HDGFL2: variants seen among roughly 807,000 people sequenced by gnomAD.
HDGFL2 encodes the protein HDGF like 2, also known as hepatoma-derived growth factor-related protein 2.
HDGFL2 carries 36 observed loss-of-function variants against 77.1 expected under a neutral mutation model. The ratio of observed to expected loss-of-function variants is 0.47; its 90% confidence interval spans 0.36 to 0.62. The LOEUF (loss-of-function observed/expected upper bound fraction) is 0.62, where lower values mean the gene tolerates loss of function less well. HDGFL2 is among the 20% of genes least tolerant of loss of function. HDGFL2 has a pLI of 0.00. For synonymous variants in HDGFL2, 463 were observed against 413.1 expected (o/e 1.12, Z -1.46); for missense variants, 976 against 973.4 (o/e 1.00, Z -0.04).
rs1975703749 is a variant in HDGFL2 at position 4,496,395 on chromosome 19, C to G, written c.1318C>G (p.Gln440Glu). The change falls in exon 10 of 16, where the codon CAA becomes GAA. Residue 440 changes from glutamine (Q) to glutamate (E), a missense_variant. Gln to Glu is a conservative substitution (Grantham distance 29, BLOSUM62 2). Around this residue, in one of 5 missense-constraint regions of HDGFL2, gnomAD observed 567 missense variants for 534.7 expected, o/e 1.06. Transcript: ENST00000616600. ...KEKRVRPEEK[Q>E]QAKPVKVERT... ...GAAGAGAGTGCGGCCCGAGGAGAAGCAACAAGCCAAGTGAGCCCTGCTCTG... is the reference window on the plus strand; with the variant it reads ...GAAGAGAGTGCGGCCCGAGGAGAAGGAACAAGCCAAGTGAGCCCTGCTCTG... 1 of 1,613,536 alleles carries G rather than the reference C, an allele frequency of 6.2e-7. No individual in the cohort carries two copies. The highest frequency in any genetic ancestry group is 8.5e-7 in the Non-Finnish European group (1 of 1,179,696).
chr19:4,479,426 A>C (rs1249905777), intron 3 of HDGFL2, among the ~76,000 whole-genome samples: 1 of 151,732 alleles, frequency 6.6e-6, no homozygotes, highest in East Asian at 1.9e-4. Flanking sequence ...TACTAAAAAA[A>C]AAATACAGAA....
chr19:4,488,088 G>A (rs748989771), intron 3 of HDGFL2, among the ~76,000 whole-genome samples: 10 of 151,794 alleles, frequency 6.6e-5, no homozygotes, highest in Non-Finnish European at 1.3e-4. Flanking sequence ...CTCCTGCCTC[G>A]GCCTCCTGAG....
In HDGFL2 at chr19:4,494,170, A is replaced by T. The variant is rs541194421; in HGVS notation, c.919A>T (p.Ser307Cys). ...AACCGCCCCCTCCGCCTCCAGTGAC[A>T]GCGACGAGGTGGACCGCATCAGTGA... ...PPSSSSSDSDSDEVDRISEWK... is the reference protein window; with the variant it reads ...PPSSSSSDSDCDEVDRISEWK... The change falls in exon 9 of 16, where the codon AGC (serine) becomes TGC (cysteine). Residue 307 changes from serine (S) to cysteine (C), a missense_variant. This residue lies in a region of HDGFL2 where 567 missense variants were observed against 534.7 expected (regional missense o/e 1.06). Transcript: ENST00000616600. The T allele has an allele frequency of 2.7e-6, 4 of 1,493,144 alleles. No homozygotes were observed. Among genetic ancestry groups the T allele is most frequent in the Non-Finnish European group, 3.6e-6 (4 of 1,123,824 alleles). The allele number at this position is 1,493,144 out of a possible 1,614,324, so 92.5% of individuals were successfully genotyped here.
At chr19:4,497,647 C>G (rs1486069237) in intron 10 of HDGFL2, 1 of 435,518 alleles carries the variant, frequency 2.3e-6, no homozygotes, top group South Asian at 2.6e-5. Flanking sequence ...CCTTGAGGGC[C>G]TTTTCCTAGC....
Position 4,499,660 on chromosome 19 carries a change from G to C in HDGFL2, c.1745G>C (p.Gly582Ala). The C allele has an allele frequency of 1.9e-6, 3 of 1,577,826 alleles. No homozygotes were observed. Among genetic ancestry groups the C allele is most frequent in the Non-Finnish European group, 2.6e-6 (3 of 1,161,706 alleles). The change falls in exon 14 of 16, where the codon GGG becomes GCG. Residue 582 changes from glycine (G) to alanine (A), a missense_variant. Physicochemically the swap from Gly to Ala is moderately conservative, Grantham distance 60 (BLOSUM62 0). Coordinates refer to ENST00000616600, the MANE Select transcript of HDGFL2 (RefSeq NM_001001520.3). Reference protein sequence around the residue: ...EEKLAGEELAGEEAPQEKAED... With the variant: ...EEKLAGEELAAEEAPQEKAED... The stretch of plus-strand genomic sequence containing the variant: ...AAGCTGGCCGGGGAGGAGCTGGCCG[G>C]GGAGGAGGCCCCCCAGGAGAAGGCG...
At chr19:4,479,891 AT>A (rs1401265781) in intron 3 of HDGFL2, among the ~76,000 whole-genome samples, 4 of 149,364 alleles carry the variant, frequency 2.7e-5, no homozygotes, top group Non-Finnish European at 4.4e-5. Context: ...GGGCGACAGA[AT>A]GAGACTCTGT....
At chr19:4,486,877 C>T (rs373485567) in intron 3 of HDGFL2, among the ~76,000 whole-genome samples, 1 of 152,162 alleles carries the variant, frequency 6.6e-6, no homozygotes, top group South Asian at 2.1e-4. Context: ...TAGCTCCTAC[C>T]CCTTCCCATG....
Position 4,493,803 on chromosome 19 carries a change from C to T in HDGFL2, c.779C>T (p.Ser260Phe). The T allele has an allele frequency of 6.7e-7, 1 of 1,490,104 alleles. No homozygotes were observed. Among genetic ancestry groups the T allele is most frequent in the Non-Finnish European group, 9.0e-7 (1 of 1,108,066 alleles). The allele number at this position is 1,490,104 out of a possible 1,614,324, so 92.3% of individuals were successfully genotyped here. ...MARSASSSSS[S>F]SSSSDSDVSV... ...CGGTCGGCGTCCTCCTCCTCCTCTT[C>T]CTCCTCCTCCTCCGACTCCGATGTG... The change falls in exon 7 of 16, where the codon TCC becomes TTC. Residue 260 changes from serine to phenylalanine, a missense_variant. By Grantham distance (155) the Ser-to-Phe change is radical. Coordinates refer to ENST00000616600, the MANE Select transcript of HDGFL2 (RefSeq NM_001001520.3).
chr19:4,493,260 GTGTGTGTGGTGTGTGTGTTGTC>G (rs1975595126), intron 6 of HDGFL2, among the ~76,000 whole-genome samples: 1 of 145,132 alleles, frequency 6.9e-6, no homozygotes. Flanking sequence ...TTGTCTGTGT[GTGTGTGTGGTGTGTGTGTTGTC>G]TGTGTGTGGT....
In HDGFL2 at chr19:4,501,188, C is replaced by T. The variant is rs750036859; in HGVS notation, c.1790-3C>T. ...TGTCCTGTGACCCCTCTGTCCCACC[C>T]AGATCTCTCAGCCCCAGTGAATGGC... On this transcript the variant is annotated splice_region_variant and splice_polypyrimidine_tract_variant and intron_variant, in intron 14 of 15. Coordinates refer to ENST00000616600, the MANE Select transcript of HDGFL2 (RefSeq NM_001001520.3). The T allele has an allele frequency of 6.2e-7, 1 of 1,613,078 alleles. No individual in the cohort carries two copies. The highest frequency in any genetic ancestry group is 1.3e-5 in the African/African-American group (1 of 74,922).
At chr19:4,477,145 G>C (rs1975093453) in intron 3 of HDGFL2, among the ~76,000 whole-genome samples, 1 of 152,100 alleles carries the variant, frequency 6.6e-6, no homozygotes, top group African/African-American at 2.4e-5. Flanking sequence ...CCTCTCCTTT[G>C]TTTCGGCCTG....
intron 12 of HDGFL2, 63 bp from the exon 13 acceptor site, chr19:4,498,751 G>GCCCTGGGAC: frequency 8.8e-7 from 1 of 1,130,440 alleles, no homozygotes; most frequent in Non-Finnish European, 1.3e-6. Flanking sequence ...ACCCATCGGG[G>GCCCTGGGAC]CCCTGGGACC....
rs762643342 is a variant in HDGFL2 at position 4,490,024 on chromosome 19, C to T, written c.489+1148C>T. On this transcript the variant is annotated intron_variant, in intron 4 of 15. Transcript: ENST00000616600. The stretch of plus-strand genomic sequence containing the variant: ...CTGCATAGCCTTTGTGTCCGCCTTC[C>T]TTCACCAAGCGTGACGTCCTCAGGG... 3.3e-5 allele frequency among the ~76,000 whole-genome samples: 5 copies of T among 152,172 alleles called. 1 individual carries two copies. Among genetic ancestry groups the T allele is most frequent in the Admixed American group, 3.3e-4 (5 of 15,274 alleles).
At chr19:4,492,823 T>C (rs1975558818) in intron 6 of HDGFL2, among the ~76,000 whole-genome samples, 1 of 150,870 alleles carries the variant, frequency 6.6e-6, no homozygotes, top group Admixed American at 6.6e-5. Flanking sequence ...GTGTGGTCTG[T>C]GTGTGTTATC....
intron 4 of HDGFL2, among the ~76,000 whole-genome samples, 163 bp downstream of exon 4, chr19:4,489,039 C>T (rs571545054): frequency 2.0e-5 from 3 of 150,322 alleles, no homozygotes; most frequent in East Asian, 2.0e-4. Flanking sequence ...CTGCAACCTC[C>T]GCCTCCCAGG....
In HDGFL2 at chr19:4,501,983, C is replaced by T. The variant is rs1182309383; in HGVS notation, c.1989C>T (p.Asp663=). Residue 663 remains aspartate, a synonymous_variant, in exon 16 of 16, where the codon GAC becomes GAT. Coordinates refer to ENST00000616600, the MANE Select transcript of HDGFL2 (RefSeq NM_001001520.3). ...DRQERERARG[D]SEALDEES is the part of the protein sequence containing the mutation. ...AGGAGCGCGAGAGGGCACGGGGGGA[C>T]TCGGAGGCCCTGGACGAGGAGAGCT... is the stretch of plus-strand genomic sequence containing the variant. The T allele has an allele frequency of 1.3e-6, 2 of 1,513,890 alleles. No homozygotes were observed. The highest frequency in any genetic ancestry group is 1.8e-6 in the Non-Finnish European group (2 of 1,137,862). The allele number at this position is 1,513,890 out of a possible 1,614,324, so 93.8% of individuals were successfully genotyped here. A position where few individuals can be genotyped will look rare whatever the true frequency, so the allele number is the denominator to read the frequency against.
chr19:4,496,036 G>A (rs915551849), intron 9 of HDGFL2, among the ~76,000 whole-genome samples: 2 of 152,096 alleles, frequency 1.3e-5, no homozygotes, highest in African/African-American at 2.4e-5. Context: ...TGCAGGAGGC[G>A]TTTCAGCCAC....
intron 2 of HDGFL2, 46 bp from the exon 3 acceptor site, chr19:4,475,399 G>A: frequency 1.2e-6 from 2 of 1,614,032 alleles, no homozygotes; most frequent in Admixed American, 1.7e-5. Context: ...GTGCCTCCCG[G>A]GGTGGCCTCA....
rs768921996 is a variant in HDGFL2, at chr19:4,493,786, G to GTCC, written c.774_776dup (p.Ser264dup). Reference sequence around the variant, plus strand: ...AGCCGGTGGCCATGGCGCGGTCGGCGTCCTCCTCCTCCTCTTCCTCCTCCT... The same window carrying GTCC: ...AGCCGGTGGCCATGGCGCGGTCGGCGTCCTCCTCCTCCTCCTCTTCCTCCTCCT... On this transcript the variant is annotated inframe_insertion, in exon 7 of 16. Coordinates refer to ENST00000616600, the MANE Select transcript of HDGFL2 (RefSeq NM_001001520.3). 1 of 1,544,002 alleles carries GTCC rather than the reference G, an allele frequency of 6.5e-7. No homozygotes were observed.
Sources: allele counts gnomAD v4.1 joint callset (sites outside exome capture counted in the v4.1 genomes callset), GRCh38; gene constraint gnomAD v4.1.1; regional missense constraint gnomAD v4.1.1; transcripts MANE v1.5; gene names NCBI Gene and HGNC (gene_info 2026-07-23, HGNC 2026-07-21).